L3MBTL4: variants seen among roughly 807,000 people sequenced by gnomAD.
The protein encoded by L3MBTL4 is L3MBTL histone methyl-lysine binding protein 4.
In L3MBTL4, 70 loss-of-function variants were observed where a neutral mutation model predicts 84.5. The observed-to-expected ratio is 0.83, with a 90% CI of 0.68 to 1.01. The LOEUF is 1.01. L3MBTL4 is among the 50% of genes least tolerant of loss of function. L3MBTL4 has a pLI of 0.00. For synonymous variants in L3MBTL4, 274 were observed against 259.8 expected (o/e 1.05, Z -0.52); for missense variants, 715 against 754.8 (o/e 0.95, Z 0.62).
intron 16 of L3MBTL4, among the ~76,000 whole-genome samples, chr18:6,032,950 T>C (rs1041300558): frequency 2.0e-5 from 3 of 152,182 alleles, no homozygotes; most frequent in African/African-American, 7.2e-5. Flanking sequence ...CTAACCTATG[T>C]TTTGTCCTGG....
intron 9 of L3MBTL4, among the ~76,000 whole-genome samples, chr18:6,239,176 C>T (rs949530935): frequency 6.6e-5 from 10 of 151,628 alleles, no homozygotes; most frequent in African/African-American, 2.4e-4. Flanking sequence ...CCTGTCTCTA[C>T]TAAAAATACA....
At chr18:6,358,944 A>G (rs2053562518) in intron 1 of L3MBTL4, among the ~76,000 whole-genome samples, 1 of 152,174 alleles carries the variant, frequency 6.6e-6, no homozygotes, top group Admixed American at 6.5e-5. Context: ...CCCAGGTATG[A>G]TTTCAGTTTA....
intron 16 of L3MBTL4, among the ~76,000 whole-genome samples, chr18:5,970,310 G>C (rs1240103153): frequency 6.6e-6 from 1 of 152,246 alleles, no homozygotes; most frequent in Non-Finnish European, 1.5e-5. Context: ...ATGGCTGTTT[G>C]TTTGCACAAG....
intron 12 of L3MBTL4, among the ~76,000 whole-genome samples, chr18:6,201,060 G>A (rs1568305724): frequency 6.6e-6 from 1 of 152,112 alleles, no homozygotes; most frequent in African/African-American, 2.4e-5. Flanking sequence ...ATAGGCACTA[G>A]GGATATCAAG....
chr18:6,276,409 C>T (rs1213482763), intron 4 of L3MBTL4, among the ~76,000 whole-genome samples: 1 of 152,106 alleles, frequency 6.6e-6, no homozygotes, highest in Admixed American at 6.5e-5. Context: ...GACAATGACT[C>T]AAATAAGGAT....
chr18:6,354,508 G>A (rs1201746414), intron 1 of L3MBTL4, among the ~76,000 whole-genome samples: 2 of 152,152 alleles, frequency 1.3e-5, no homozygotes, highest in African/African-American at 2.4e-5. Flanking sequence ...CAGAATGGGA[G>A]AGAATATTTG....
At chr18:6,095,868 C>T (rs2058625766) in intron 14 of L3MBTL4, among the ~76,000 whole-genome samples, 1 of 152,038 alleles carries the variant, frequency 6.6e-6, no homozygotes, top group African/African-American at 2.4e-5. Context: ...TTAAGCTGCA[C>T]CGTATGGGAT....
intron 12 of L3MBTL4, among the ~76,000 whole-genome samples, chr18:6,181,988 T>C (rs2044496146): frequency 6.6e-6 from 1 of 152,206 alleles, no homozygotes; most frequent in Non-Finnish European, 1.5e-5. Context: ...GCATGTGTCT[T>C]TATGGTAGAA....
chr18:6,269,059 G>T, intron 4 of L3MBTL4, among the ~76,000 whole-genome samples: 1 of 152,214 alleles, frequency 6.6e-6, no homozygotes, highest in East Asian at 1.9e-4. Context: ...AAATGGAACA[G>T]AAATTCCAAT....
intron 1 of L3MBTL4, among the ~76,000 whole-genome samples, chr18:6,392,042 A>C (rs1265016456): frequency 6.6e-6 from 1 of 152,190 alleles, no homozygotes; most frequent in Non-Finnish European, 1.5e-5. Context: ...CCAAATAGCC[A>C]AAACAACCCT....
At chr18:6,046,683 TA>T (rs762656332) in intron 16 of L3MBTL4, 35 of 745,216 alleles carry the variant, frequency 4.7e-5, no homozygotes, top group South Asian at 1.5e-4. Context: ...AAGGCAGAAG[TA>T]AAAAAAAGTC....
intron 16 of L3MBTL4, among the ~76,000 whole-genome samples, chr18:6,071,761 A>AAGAGAAAGAAAG (rs1205653012): frequency 1.1e-5 from 1 of 92,154 alleles, no homozygotes; most frequent in Admixed American, 1.3e-4. Flanking sequence ...AAGAAAGAAA[A>AAGAGAAAGAAAG]AAAGAAAGAA....
intron 1 of L3MBTL4, among the ~76,000 whole-genome samples, chr18:6,370,077 T>A (rs1023005317): frequency 7.1e-6 from 1 of 140,734 alleles, no homozygotes; most frequent in Admixed American, 7.8e-5. Flanking sequence ...GAGGTTGCAG[T>A]GAGCAGAGAT....
At chr18:6,398,947 T>A (rs904189632) in intron 1 of L3MBTL4, among the ~76,000 whole-genome samples, 1 of 152,160 alleles carries the variant, frequency 6.6e-6, no homozygotes, top group Non-Finnish European at 1.5e-5. Context: ...CCAGTGTTTG[T>A]CCAGCAATCC....
intron 16 of L3MBTL4, among the ~76,000 whole-genome samples, chr18:5,981,565 C>T (rs1037711434): frequency 3.3e-5 from 5 of 151,930 alleles, no homozygotes; most frequent in African/African-American, 4.8e-5. Context: ...CCTGTAACCC[C>T]AGTGCTTTGG....
intron 15 of L3MBTL4, among the ~76,000 whole-genome samples, chr18:6,092,364 C>T (rs888280188): frequency 1.3e-5 from 2 of 152,190 alleles, no homozygotes; most frequent in African/African-American, 4.8e-5. Flanking sequence ...GAGCACCTCC[C>T]CACCTGGGAT....
At chr18:6,381,130 G>A (rs1198171957) in intron 1 of L3MBTL4, among the ~76,000 whole-genome samples, 8 of 152,042 alleles carry the variant, frequency 5.3e-5, no homozygotes. Context: ...CCAGAGATTA[G>A]GATTGCAACT....
In L3MBTL4 at chr18:6,081,823, T is replaced by C. The variant is rs532246102; in HGVS notation, c.1374-872A>G. Among the ~76,000 whole-genome samples, 497 of 152,348 alleles carry C rather than the reference T, an allele frequency of 3.3e-3. 2 individuals are homozygous for C. Among genetic ancestry groups the C allele is most frequent in the African/African-American group, 0.012 (482 of 41,582 alleles). ...ATAATTGTATCTATATGTTTATTTG[T>C]ATGTTTACACAAGTATATCATGGCA... On this transcript the variant is annotated intron_variant, in intron 15 of 18. Transcript: ENST00000317931.
intron 17 of L3MBTL4, among the ~76,000 whole-genome samples, chr18:5,962,725 A>C (rs1004570901): frequency 3.3e-5 from 5 of 152,178 alleles, no homozygotes; most frequent in African/African-American, 1.2e-4. Context: ...AAGCTAGAGA[A>C]ATGGTCCAGC....
Sources: allele counts gnomAD v4.1 joint callset (sites outside exome capture counted in the v4.1 genomes callset), GRCh38; gene constraint gnomAD v4.1.1; transcripts MANE v1.5; gene names NCBI Gene and HGNC (gene_info 2026-07-23, HGNC 2026-07-21).